Variants in PRC1 observed in about 807,000 individuals in gnomAD.
PRC1 encodes protein regulator of cytokinesis 1.
PRC1 carries 54 observed loss-of-function variants against 91.2 expected under a neutral mutation model. The ratio of observed to expected loss-of-function variants is 0.59; its 90% confidence interval spans 0.48 to 0.74. The LOEUF is 0.74. Ranked by LOEUF, PRC1 falls within the 30% of genes least tolerant of loss-of-function variation. The pLI is 0.00. For missense variants in PRC1, 727 were observed against 746.2 expected, an observed-to-expected ratio of 0.97 and a Z score of 0.30; for synonymous variants, 275 against 263.6, an observed-to-expected ratio of 1.04 and a Z score of -0.42.
Position 90,985,589 on chromosome 15 carries a change from C to T in PRC1, c.12-764G>A, listed in dbSNP as rs1416633172. 2.1e-5 allele frequency among the ~76,000 whole-genome samples: 3 copies of T among 141,476 alleles called. No homozygotes were observed. In the East Asian group the frequency reaches 6.4e-4, roughly 30 times the overall value. The allele number at this position is 141,476 out of a possible 152,430, so 92.8% of individuals were successfully genotyped here. A position where few individuals can be genotyped will look rare whatever the true frequency, so the allele number is the denominator to read the frequency against. ...CTTTTTTTTTTTTGAGACAGAGTCT[C>T]GCTCCGTTGCCCTGGCTGGAGTGCA... On this transcript the variant is annotated intron_variant, in intron 1 of 14. Coordinates refer to ENST00000394249, the MANE Select transcript of PRC1 (RefSeq NM_003981.4).
intron 1 of PRC1, chr15:90,988,765 C>T (rs12594752): frequency 0.16 from 24,888 of 152,174 alleles, 2,461 homozygotes; most frequent in East Asian, 0.5. Context: ...ACCACCACAT[C>T]TTATTCATCT....
chr15:90,981,725 A>T, intron 4 of PRC1, 23 bp downstream of exon 4: 1 of 1,608,794 alleles, frequency 6.2e-7, no homozygotes, highest in Non-Finnish European at 8.5e-7. Flanking sequence ...GACTTTTAGG[A>T]AGAACAAATG....
intron 1 of PRC1, among the ~76,000 whole-genome samples, 199 bp from the exon 2 acceptor site, chr15:90,985,024 CA>C (rs1262652658): frequency 6.6e-6 from 1 of 152,194 alleles, no homozygotes; most frequent in Non-Finnish European, 1.5e-5. Flanking sequence ...TACAAGATTT[CA>C]TATCATATTA....
chr15:90,969,040 C>A, intron 14 of PRC1, 39 bp downstream of exon 14: 1 of 1,613,798 alleles, frequency 6.2e-7, no homozygotes, highest in South Asian at 1.1e-5. Context: ...GATGACAGAT[C>A]AGTTTGGAAA....
chr15:90,979,016 CAG>C (rs1296013146), intron 8 of PRC1, 140 bp downstream of exon 8: 1 of 1,074,236 alleles, frequency 9.3e-7, no homozygotes, highest in Non-Finnish European at 1.3e-6. Context: ...GCTTATCAAA[CAG>C]AGGCGGTCAG....
Position 90,970,384 on chromosome 15 carries a change from T to C in PRC1, c.1572+20A>G, listed in dbSNP as rs1179204262. On this transcript the variant is annotated intron_variant, in intron 12 of 14. Coordinates refer to ENST00000394249, the MANE Select transcript of PRC1 (RefSeq NM_003981.4). ...CTAGGGACGCATGTGAGGATGTGCT[T>C]AGACACAGGGCATACTAACCTTGCT... The C allele has an allele frequency of 6.5e-7, 1 of 1,544,916 alleles. No individual in the cohort carries two copies. Among genetic ancestry groups the C allele is most frequent in the Admixed American group, 1.7e-5 (1 of 59,880 alleles).
At chr15:90,979,082 G>T in intron 8 of PRC1, 76 bp downstream of exon 8, 1 of 1,495,572 alleles carries the variant, frequency 6.7e-7, no homozygotes, top group South Asian at 1.3e-5. Context: ...GCCTGGCAAA[G>T]AACAAAGCTA....
intron 1 of PRC1, among the ~76,000 whole-genome samples, chr15:90,990,737 T>C (rs1350888641): frequency 6.6e-6 from 1 of 152,186 alleles, no homozygotes; most frequent in Non-Finnish European, 1.5e-5. Context: ...AAAGCTGTTA[T>C]TAAAAACATC....
chr15:90,982,482 C>T (rs753649080), intron 3 of PRC1: 3 of 160,634 alleles, frequency 1.9e-5, no homozygotes, highest in Admixed American at 5.9e-5. Context: ...GGCACGGTGG[C>T]TCACGCCTAT....
chr15:90,970,327 G>C (rs2038000614), intron 12 of PRC1, 77 bp downstream of exon 12: 1 of 1,073,890 alleles, frequency 9.3e-7, no homozygotes, highest in South Asian at 1.4e-5. Context: ...TTAGAATCTA[G>C]AACAAGTAGG....
chr15:90,967,382 C>G, intron 14 of PRC1, 180 bp from the exon 15 acceptor site: 1 of 610,006 alleles, frequency 1.6e-6, no homozygotes, highest in South Asian at 1.9e-5. Context: ...TTCTATTAGT[C>G]ACAGACAGAG....
intron 1 of PRC1, among the ~76,000 whole-genome samples, chr15:90,988,822 A>C (rs1372867350): frequency 6.6e-6 from 1 of 152,182 alleles, no homozygotes; most frequent in Non-Finnish European, 1.5e-5. Context: ...ATAGATATAA[A>C]ATGAATGGCC....
chr15:90,983,134 T>C (rs939741848), intron 3 of PRC1, among the ~76,000 whole-genome samples: 3 of 152,212 alleles, frequency 2.0e-5, no homozygotes, highest in African/African-American at 7.2e-5. Context: ...TTATGACATT[T>C]ATGTTGACTC....
intron 1 of PRC1, among the ~76,000 whole-genome samples, chr15:90,994,030 G>A (rs1037878496): frequency 3.9e-5 from 6 of 152,198 alleles, no homozygotes; most frequent in Non-Finnish European, 7.4e-5. Flanking sequence ...CCAAGCAGCG[G>A]CACCTGAGAC....
intron 1 of PRC1, among the ~76,000 whole-genome samples, chr15:90,991,276 C>T (rs921190692): frequency 1.3e-5 from 2 of 151,222 alleles, no homozygotes; most frequent in Admixed American, 6.6e-5. Flanking sequence ...ATTAGCTGGG[C>T]GTGGTAGTGG....
At chr15:90,975,349 T>C (rs1376490363) in intron 9 of PRC1, among the ~76,000 whole-genome samples, 2 of 152,094 alleles carry the variant, frequency 1.3e-5, no homozygotes, top group African/African-American at 4.8e-5. Context: ...CCCAAAGCCC[T>C]GGGATTACAG....
At chr15:90,980,020 T>A (rs996277028) in intron 7 of PRC1, among the ~76,000 whole-genome samples, 1 of 152,244 alleles carries the variant, frequency 6.6e-6, no homozygotes, top group African/African-American at 2.4e-5. Context: ...GGTGGCTTTA[T>A]CTGTTCAGAA....
chr15:90,981,390 C>G (rs1013598913), intron 5 of PRC1, 109 bp downstream of exon 5: 6 of 1,304,742 alleles, frequency 4.6e-6, no homozygotes, highest in Admixed American at 4.1e-5. Context: ...TTCCCTCATT[C>G]TCTTACCTTA....
intron 11 of PRC1, among the ~76,000 whole-genome samples, chr15:90,971,574 AC>A (rs2151440842): frequency 7.0e-6 from 1 of 143,436 alleles, no homozygotes; most frequent in South Asian, 2.2e-4. Flanking sequence ...GAGCCACTGT[AC>A]CCAGCCAACA....
Sources: allele counts gnomAD v4.1 joint callset (sites outside exome capture counted in the v4.1 genomes callset), GRCh38; gene constraint gnomAD v4.1.1; transcripts MANE v1.5; gene names NCBI Gene and HGNC (gene_info 2026-07-23, HGNC 2026-07-21).